FSTL5: variants seen among roughly 807,000 people sequenced by gnomAD.
The protein encoded by FSTL5 is follistatin-related protein 5.
A neutral mutation model predicts 89.1 loss-of-function variants in FSTL5; 62 were observed. The observed-to-expected ratio is 0.70, with a 90% CI of 0.57 to 0.86. The LOEUF is 0.86. Among genes scored for constraint, FSTL5 ranks in the 40% least tolerant of loss-of-function variants. FSTL5 has a pLI of 0.00. For synonymous variants in FSTL5, 383 were observed against 346.2 expected (o/e 1.11, Z -1.18); for missense variants, 1,057 against 1,001.6 (o/e 1.06, Z -0.75).
chr4:161,587,871 C>G (rs1188944155), intron 7 of FSTL5, among the ~76,000 whole-genome samples: 1 of 151,982 alleles, frequency 6.6e-6, no homozygotes, highest in African/African-American at 2.4e-5. Context: ...TAATTTAGTT[C>G]CCATTTTTAA....
At chr4:161,464,238 T>G (rs1733674130) in intron 13 of FSTL5, among the ~76,000 whole-genome samples, 1 of 152,212 alleles carries the variant, frequency 6.6e-6, no homozygotes, top group Non-Finnish European at 1.5e-5. Flanking sequence ...TACACTTTCC[T>G]TGATGTCTCT....
intron 6 of FSTL5, among the ~76,000 whole-genome samples, chr4:161,670,417 T>C (rs764062004): frequency 4.6e-5 from 7 of 152,326 alleles, no homozygotes; most frequent in Non-Finnish European, 7.3e-5. Context: ...GTCGATCAAA[T>C]GACACATTAT....
chr4:162,158,529 T>C (rs575527482), intron 1 of FSTL5, among the ~76,000 whole-genome samples: 1 of 152,094 alleles, frequency 6.6e-6, no homozygotes, highest in Non-Finnish European at 1.5e-5. Context: ...ATAGTAAAAA[T>C]GATTAGTTTT....
intron 2 of FSTL5, chr4:162,047,335 T>A (rs1254611656): frequency 1.3e-5 from 2 of 152,150 alleles, no homozygotes; most frequent in Admixed American, 6.6e-5. Flanking sequence ...CTATGTAGCA[T>A]GCAATTTTTA....
intron 5 of FSTL5, among the ~76,000 whole-genome samples, chr4:161,772,083 T>TC (rs1741230381): frequency 6.6e-6 from 1 of 152,108 alleles, no homozygotes; most frequent in Non-Finnish European, 1.5e-5. Context: ...GTCTTTTTTT[T>TC]CTCAAATAGA....
At chr4:161,577,824 AG>A (rs1489037077) in intron 8 of FSTL5, among the ~76,000 whole-genome samples, 6 of 152,182 alleles carry the variant, frequency 3.9e-5, no homozygotes, top group Non-Finnish European at 5.9e-5. Flanking sequence ...ACACAAGGAT[AG>A]GTGCCATATG....
chr4:161,690,544 T>TGG (rs1737901068), intron 6 of FSTL5, among the ~76,000 whole-genome samples: 1 of 152,150 alleles, frequency 6.6e-6, no homozygotes, highest in Non-Finnish European at 1.5e-5. Flanking sequence ...GCAAGAATTC[T>TGG]TTGTGTATTC....
chr4:161,609,132 T>C (rs911132402), intron 7 of FSTL5, among the ~76,000 whole-genome samples: 2 of 152,140 alleles, frequency 1.3e-5, no homozygotes, highest in African/African-American at 4.8e-5. Flanking sequence ...TAGTTCACTG[T>C]GTTAGTCTCA....
intron 15 of FSTL5, among the ~76,000 whole-genome samples, chr4:161,388,606 G>A (rs1730721410): frequency 6.6e-6 from 1 of 151,970 alleles, no homozygotes; most frequent in South Asian, 2.1e-4. Context: ...AGGATGTATA[G>A]GTGTGTAAAT....
chr4:161,779,796 T>TAC (rs1741578799), intron 4 of FSTL5, among the ~76,000 whole-genome samples: 1 of 58,428 alleles, frequency 1.7e-5, no homozygotes, highest in East Asian at 4.7e-4. Context: ...TATATATATA[T>TAC]ATATATATAT....
intron 2 of FSTL5, among the ~76,000 whole-genome samples, chr4:162,069,304 G>A (rs1729496813): frequency 6.6e-6 from 1 of 151,846 alleles, no homozygotes; most frequent in Admixed American, 6.6e-5. Flanking sequence ...TAGAGTGATA[G>A]TTTAATATAT....
intron 7 of FSTL5, among the ~76,000 whole-genome samples, chr4:161,597,520 C>A (rs1290845012): frequency 1.3e-5 from 2 of 151,352 alleles, no homozygotes; most frequent in Admixed American, 6.6e-5. Flanking sequence ...AGGAGATATA[C>A]CTAATGTAAA....
At chr4:161,523,778 C>T (rs1357177200) in intron 10 of FSTL5, among the ~76,000 whole-genome samples, 3 of 152,066 alleles carry the variant, frequency 2.0e-5, no homozygotes, top group Admixed American at 2.0e-4. Flanking sequence ...TGAATTAAAC[C>T]TCCCTTGGTA....
chr4:161,871,861 C>G (rs1345046313), intron 4 of FSTL5, among the ~76,000 whole-genome samples: 1 of 152,078 alleles, frequency 6.6e-6, no homozygotes, highest in East Asian at 1.9e-4. Context: ...ATTATAGTGT[C>G]TATCTCACAA....
intron 3 of FSTL5, among the ~76,000 whole-genome samples, chr4:162,009,939 C>T (rs555179764): frequency 1.3e-5 from 2 of 150,318 alleles, no homozygotes; most frequent in East Asian, 3.9e-4. Context: ...ACTAAAGTCT[C>T]TTGGTTTATT....
chr4:161,439,819 A>C (rs946540854), intron 15 of FSTL5, among the ~76,000 whole-genome samples: 1 of 152,148 alleles, frequency 6.6e-6, no homozygotes, highest in Non-Finnish European at 1.5e-5. Context: ...TTTTTTATGC[A>C]AAATTAAGTT....
intron 15 of FSTL5, among the ~76,000 whole-genome samples, chr4:161,452,783 CGT>C: frequency 7.4e-6 from 1 of 134,756 alleles, no homozygotes; most frequent in South Asian, 2.3e-4. Context: ...AAATTAAATA[CGT>C]ATAAATAAAG....
intron 8 of FSTL5, among the ~76,000 whole-genome samples, chr4:161,551,476 G>A (rs1281192916): frequency 6.6e-6 from 1 of 151,578 alleles, no homozygotes; most frequent in Non-Finnish European, 1.5e-5. Flanking sequence ...TGTAGATTCT[G>A]GATATTAGCC....
chr4:161,780,571 AGCGTCACTAGGGCT>A (rs1221844601), intron 4 of FSTL5, among the ~76,000 whole-genome samples: 1 of 152,182 alleles, frequency 6.6e-6, no homozygotes, highest in Admixed American at 6.5e-5. Flanking sequence ...CCATGGATAC[AGCGTCACTAGGGCT>A]GTGCTGACCT....
Sources: allele counts gnomAD v4.1 joint callset (sites outside exome capture counted in the v4.1 genomes callset), GRCh38; gene constraint gnomAD v4.1.1; transcripts MANE v1.5; gene names NCBI Gene and HGNC (gene_info 2026-07-23, HGNC 2026-07-21).